The following ZEB2 variants were observed in gnomAD, a reference collection of about 807,000 sequenced individuals.
ZEB2 encodes the protein zinc finger E-box-binding homeobox 2.
A neutral mutation model predicts 99.9 loss-of-function variants in ZEB2; 6 were observed. The ratio of observed to expected loss-of-function variants is 0.06; its 90% CI spans 0.03 to 0.12. ZEB2 has a LOEUF of 0.12. Ranked by LOEUF, ZEB2 falls within the 10% of genes least tolerant of loss-of-function variation. The pLI, the probability that ZEB2 is intolerant of heterozygous loss-of-function variation, is 1.00. For missense variants in ZEB2, 969 were observed against 1,502.8 expected (o/e 0.64, Z 5.87); for synonymous variants, 517 against 542.5 (o/e 0.95, Z 0.65).
In ZEB2 at chr2:144,508,968, C is replaced by CT. The variant is rs573618398; in HGVS notation, c.73+8309dup. 2.3e-4 allele frequency among the ~76,000 whole-genome samples: 35 copies of CT among 149,466 alleles called. No homozygotes were observed. The East Asian group carries it at 2.7e-3, about 12-fold the overall frequency. ...TGCTGCCTTGATTCCTTTTTTCTATCTTTTTTTTTTCCCTTGCCAATTATA... is the reference window on the plus strand; with the variant it reads ...TGCTGCCTTGATTCCTTTTTTCTATCTTTTTTTTTTTCCCTTGCCAATTATA... On this transcript the variant is annotated intron_variant, in intron 2 of 9. Transcript: ENST00000627532.
At chr2:144,498,074 ATATATTATATAATATATATTAATATT>A (rs1704810315) in intron 2 of ZEB2, among the ~76,000 whole-genome samples, 1 of 72,572 alleles carries the variant, frequency 1.4e-5, no homozygotes, top group Non-Finnish European at 2.6e-5. Flanking sequence ...TATTAATATT[ATATATTATATAATATATATTAATATT>A]ATATATTATA....
chr2:144,508,169 G>A (rs912874670), intron 2 of ZEB2, among the ~76,000 whole-genome samples: 1 of 152,218 alleles, frequency 6.6e-6, no homozygotes, highest in African/African-American at 2.4e-5. Context: ...GCCAGCTACT[G>A]TGATGCTGGC....
intron 2 of ZEB2, among the ~76,000 whole-genome samples, chr2:144,434,722 G>C (rs1220939264): frequency 6.6e-6 from 1 of 152,128 alleles, no homozygotes; most frequent in Non-Finnish European, 1.5e-5. Context: ...CCCTTAATTT[G>C]AGTTATAGAA....
chr2:144,464,972 T>C (rs1309888803), intron 2 of ZEB2, among the ~76,000 whole-genome samples: 3 of 152,180 alleles, frequency 2.0e-5, no homozygotes, highest in African/African-American at 4.8e-5. Flanking sequence ...AGAGTAAATA[T>C]GTACAGAAAT....
At chr2:144,517,568 C>T (rs1474471230) in intron 1 of ZEB2, 149 bp from the exon 2 acceptor site, 2 of 508,144 alleles carry the variant, frequency 3.9e-6, no homozygotes, top group Admixed American at 5.2e-5. Context: ...CCCTCCCCGC[C>T]CCCCACCCCC....
At chr2:144,443,778 T>C (rs1213389565) in intron 2 of ZEB2, among the ~76,000 whole-genome samples, 2 of 152,046 alleles carry the variant, frequency 1.3e-5, no homozygotes, top group East Asian at 3.9e-4. Flanking sequence ...CTGCCTGAGA[T>C]AAGGGAAGGT....
chr2:144,498,281 C>T (rs563299695), intron 2 of ZEB2, among the ~76,000 whole-genome samples: 6 of 148,764 alleles, frequency 4.0e-5, no homozygotes, highest in South Asian at 2.1e-4. Flanking sequence ...GGAAGGTCCT[C>T]GCGCTCTATT....
At chr2:144,431,164 A>T (rs559885686) in intron 2 of ZEB2, 1 of 152,338 alleles carries the variant, frequency 6.6e-6, no homozygotes, top group East Asian at 1.9e-4. Context: ...TCTGCGCCTA[A>T]TAAAGCAATC....
intron 2 of ZEB2, among the ~76,000 whole-genome samples, chr2:144,464,921 G>A (rs1407176480): frequency 1.3e-5 from 2 of 152,144 alleles, no homozygotes; most frequent in Non-Finnish European, 2.9e-5. Context: ...CCTTTGATTA[G>A]GTGAGCTTCT....
intron 2 of ZEB2, among the ~76,000 whole-genome samples, chr2:144,434,121 T>C (rs1450889388): frequency 2.0e-5 from 3 of 152,218 alleles, no homozygotes; most frequent in Non-Finnish European, 4.4e-5. Flanking sequence ...AGAACTGATG[T>C]GAAGGGGCAA....
rs542398495 is a variant in ZEB2 at position 144,405,098 on chromosome 2, G to T, written c.404-74C>A. 5 of 1,491,682 alleles carry T rather than the reference G, an allele frequency of 3.4e-6. No individual in the cohort carries two copies. In the Admixed American group the frequency reaches 7.1e-5, roughly 21 times the overall value. The allele number at this position is 1,491,682 out of a possible 1,614,324, so 92.4% of individuals were successfully genotyped here. A position where few individuals can be genotyped will look rare whatever the true frequency, so the allele number is the denominator to read the frequency against. ...GGATCCCAAGTCCATCTCCATCATA[G>T]CCAGTGAGAAATGCTGACTTGCAAT... On this transcript the variant is annotated intron_variant, in intron 4 of 9. Coordinates refer to ENST00000627532, the MANE Select transcript of ZEB2 (RefSeq NM_014795.4).
chr2:144,517,696 G>A (rs1364666232), intron 1 of ZEB2: 1 of 702,802 alleles, frequency 1.4e-6, no homozygotes, highest in South Asian at 1.5e-5. Flanking sequence ...CCGTATGAGG[G>A]AATGCACACG....
chr2:144,483,112 G>A (rs1704537719), intron 2 of ZEB2, among the ~76,000 whole-genome samples: 1 of 93,332 alleles, frequency 1.1e-5, no homozygotes, highest in Admixed American at 1.3e-4. Context: ...TCAGTGTTTA[G>A]GTAAGACACA....
intron 8 of ZEB2, chr2:144,397,746 T>C (rs774808959): frequency 1.6e-5 from 3 of 192,658 alleles, no homozygotes; most frequent in Non-Finnish European, 3.3e-5. Flanking sequence ...GTTCAAGTGA[T>C]TCTTCTGCCT....
At chr2:144,444,229 A>G (rs1703954832) in intron 2 of ZEB2, among the ~76,000 whole-genome samples, 1 of 152,202 alleles carries the variant, frequency 6.6e-6, no homozygotes, top group African/African-American at 2.4e-5. Flanking sequence ...CCTTTTTCGA[A>G]AGCTGAAGCA....
At chr2:144,459,448 G>T (rs182729971) in intron 2 of ZEB2, among the ~76,000 whole-genome samples, 2 of 152,238 alleles carry the variant, frequency 1.3e-5, no homozygotes, top group African/African-American at 4.8e-5. Context: ...GAACTGCCAT[G>T]GGGAAATTTA....
At chr2:144,423,272 T>A (rs1386731284) in intron 4 of ZEB2, among the ~76,000 whole-genome samples, 3 of 152,222 alleles carry the variant, frequency 2.0e-5, no homozygotes, top group African/African-American at 7.2e-5. Context: ...GTAATCAAAA[T>A]CAGCTTTTAT....
chr2:144,485,388 G>A (rs1018291602), intron 2 of ZEB2, among the ~76,000 whole-genome samples: 1 of 152,086 alleles, frequency 6.6e-6, no homozygotes, highest in African/African-American at 2.4e-5. Context: ...TAGAAATTTG[G>A]GTTGGGATAT....
chr2:144,438,761 C>T (rs1030178819), intron 2 of ZEB2, among the ~76,000 whole-genome samples: 13 of 152,138 alleles, frequency 8.5e-5, no homozygotes, highest in African/African-American at 3.1e-4. Flanking sequence ...TCTCTTAAGG[C>T]TTAGCAGTAG....
Sources: gnomAD v4.1 joint callset for allele counts (sites outside exome capture counted in the v4.1 genomes callset) on GRCh38, gnomAD v4.1.1 for gene constraint, MANE v1.5 for transcripts, NCBI Gene and HGNC (gene_info 2026-07-23, HGNC 2026-07-21) for gene names.